Variants in CALCR observed in about 807,000 individuals in gnomAD.
CALCR encodes the protein calcitonin receptor.
Under a neutral mutation model 59.5 loss-of-function variants are expected in CALCR, and 47 were observed. The observed-to-expected ratio is 0.79, with a 90% CI of 0.63 to 1.01. The LOEUF (loss-of-function observed/expected upper bound fraction) is 1.01. Ranked by LOEUF, CALCR falls within the 50% of genes least tolerant of loss-of-function variation. The probability of loss-of-function intolerance (pLI) is 0.00; values close to 1 mark genes in which losing one functional copy is unlikely to be tolerated. For missense variants in CALCR, 566 were observed against 597.1 expected (o/e 0.95, Z 0.54); for synonymous variants, 213 against 211.3 (o/e 1.01, Z -0.07).
chr7:93,526,253 G>T (rs1413826305), intron 2 of CALCR, among the ~76,000 whole-genome samples: 1 of 152,098 alleles, frequency 6.6e-6, no homozygotes, highest in Non-Finnish European at 1.5e-5. Flanking sequence ...TCTCCAAGAT[G>T]ACACTGTTAA....
intron 2 of CALCR, among the ~76,000 whole-genome samples, chr7:93,512,494 A>G (rs1359516137): frequency 1.3e-5 from 2 of 152,132 alleles, no homozygotes; most frequent in Non-Finnish European, 2.9e-5. Context: ...CACAATTTGT[A>G]ATAAAAGTAA....
At position 93,500,935 on chromosome 7, in the gene CALCR, T is replaced by G. The variant is rs200470445; in HGVS notation, c.-26-13928A>C. On this transcript the variant is annotated intron_variant, in intron 2 of 13. Coordinates refer to ENST00000426151, the MANE Select transcript of CALCR (RefSeq NM_001742.4). Reference sequence around the variant, plus strand: ...TTAATCATTACAAACTTTCCTTTTCTTCCTATTAAATTATTTAAGAATCCA... The same window carrying G: ...TTAATCATTACAAACTTTCCTTTTCGTCCTATTAAATTATTTAAGAATCCA... Among the ~76,000 whole-genome samples the G allele has an allele frequency of 3.3e-5, 5 of 152,146 alleles. No individual in the cohort carries two copies. The East Asian group carries it at 7.8e-4, about 24-fold the overall frequency.
chr7:93,536,106 T>G (rs1272358751), intron 2 of CALCR, among the ~76,000 whole-genome samples: 2 of 151,820 alleles, frequency 1.3e-5, no homozygotes, highest in Non-Finnish European at 3.0e-5. Context: ...AGGAGTAACT[T>G]AACTGGTGAA....
intron 2 of CALCR, among the ~76,000 whole-genome samples, chr7:93,555,937 GAA>G (rs1163706823): frequency 1.3e-5 from 2 of 152,100 alleles, no homozygotes; most frequent in Admixed American, 6.6e-5. Flanking sequence ...GAACAATAAT[GAA>G]AAGAGTAAAA....
chr7:93,504,096 G>A (rs1562999768), intron 2 of CALCR, among the ~76,000 whole-genome samples: 2 of 152,088 alleles, frequency 1.3e-5, no homozygotes, highest in South Asian at 2.1e-4. Flanking sequence ...AATCTCAGTG[G>A]CCAATGAAGA....
chr7:93,460,562 A>ATATATATATATATATAT (rs1305307735), intron 8 of CALCR, among the ~76,000 whole-genome samples: 26 of 85,768 alleles, frequency 3.0e-4, no homozygotes, highest in African/African-American at 2.2e-3. Context: ...TCTAAAAAAA[A>ATATATATATATATATAT]AAAAAAAAAA....
intron 2 of CALCR, among the ~76,000 whole-genome samples, chr7:93,488,770 C>G (rs765278843): frequency 1.3e-5 from 2 of 151,472 alleles, no homozygotes; most frequent in Non-Finnish European, 3.0e-5. Context: ...AAAATAAGTT[C>G]TTAGAGACTT....
At chr7:93,517,210 G>A (rs1801667830) in intron 2 of CALCR, among the ~76,000 whole-genome samples, 1 of 150,310 alleles carries the variant, frequency 6.7e-6, no homozygotes, top group Non-Finnish European at 1.5e-5. Flanking sequence ...CAGGCACAAA[G>A]CCCAAACTTT....
intron 8 of CALCR, among the ~76,000 whole-genome samples, chr7:93,445,796 A>G (rs1270239143): frequency 6.6e-6 from 1 of 152,124 alleles, no homozygotes; most frequent in Non-Finnish European, 1.5e-5. Context: ...TCTGTAAGCC[A>G]CATCACAGCT....
intron 2 of CALCR, among the ~76,000 whole-genome samples, chr7:93,551,762 CA>C (rs1444940310): frequency 6.6e-6 from 1 of 152,078 alleles, no homozygotes; most frequent in East Asian, 1.9e-4. Flanking sequence ...CTGTAGGAGT[CA>C]AATTCTGCAG....
At chr7:93,434,006 G>T (rs1799714999) in intron 13 of CALCR, among the ~76,000 whole-genome samples, 1 of 152,132 alleles carries the variant, frequency 6.6e-6, no homozygotes, top group Non-Finnish European at 1.5e-5. Context: ...GCTCCTGAGG[G>T]TGCTGATCTG....
intron 7 of CALCR, among the ~76,000 whole-genome samples, chr7:93,465,772 C>T (rs1800428657): frequency 2.0e-5 from 3 of 151,826 alleles, no homozygotes; most frequent in Non-Finnish European, 4.4e-5. Context: ...TTACATAATT[C>T]CACCTTTTAC....
chr7:93,492,961 G>A (rs919310057), intron 2 of CALCR, among the ~76,000 whole-genome samples: 7 of 151,252 alleles, frequency 4.6e-5, no homozygotes, highest in Admixed American at 2.6e-4. Flanking sequence ...TTTAGCTGGA[G>A]CATAAAGCCT....
intron 4 of CALCR, among the ~76,000 whole-genome samples, chr7:93,477,972 A>ATAAAT (rs1304054318): frequency 3.3e-5 from 4 of 122,660 alleles, no homozygotes; most frequent in African/African-American, 1.4e-4. Context: ...AAAAAAAAAA[A>ATAAAT]AAAAAAAAAA....
rs1799571919 is a variant in CALCR, at chr7:93,428,215, A to G, written c.1192-1626T>C. 1.3e-5 allele frequency among the ~76,000 whole-genome samples: 2 copies of G among 152,266 alleles called. 1 individual carries two copies. The highest frequency in any genetic ancestry group is 1.3e-4 in the Admixed American group (2 of 15,288). On this transcript the variant is annotated intron_variant, in intron 13 of 13. Transcript: ENST00000426151. ...TTGAGTGTTTACTAAGTACCGTATC[A>G]TAAGTATGTGATTTGTATTAACTTA...
rs528990992 is a variant in CALCR at position 93,454,772 on chromosome 7, A to G, written c.648+6049T>C. Among the ~76,000 whole-genome samples, 157 of 151,700 alleles carry G rather than the reference A, an allele frequency of 1.0e-3. 1 individual carries two copies. The highest frequency in any genetic ancestry group is 2.0e-3 in the Non-Finnish European group (138 of 67,964). On this transcript the variant is annotated intron_variant, in intron 8 of 13. Coordinates refer to ENST00000426151, the MANE Select transcript of CALCR (RefSeq NM_001742.4). ...TGAGTTTAACTTTTTTTAAAAAAAG[A>G]ACATGGAAGGAATAAGATTCTCACC...
At chr7:93,437,295 T>G (rs1026001018) in intron 11 of CALCR, among the ~76,000 whole-genome samples, 5 of 152,140 alleles carry the variant, frequency 3.3e-5, no homozygotes, top group Non-Finnish European at 7.4e-5. Context: ...TATTTATTAT[T>G]TTATTAGGAG....
chr7:93,507,099 T>A lies in CALCR; in HGVS notation c.-26-20092A>T, dbSNP rs553284016. On this transcript the variant is annotated intron_variant, in intron 2 of 13. Coordinates refer to ENST00000426151, the MANE Select transcript of CALCR (RefSeq NM_001742.4). ...TTACCCAGTCTCAGGTATGTCTTCA[T>A]TAGCAGTGTGAGAATGGACTAATAC... is the stretch of plus-strand genomic sequence containing the variant. Among the ~76,000 whole-genome samples the A allele has an allele frequency of 1.8e-4, 27 of 152,220 alleles. No individual in the cohort carries two copies. The South Asian group carries it at 5.6e-3, about 32-fold the overall frequency.
intron 7 of CALCR, 82 bp downstream of exon 7, chr7:93,468,633 C>T: frequency 1.1e-6 from 1 of 908,672 alleles, no homozygotes; most frequent in Non-Finnish European, 1.7e-6. Flanking sequence ...GACCCTTCCC[C>T]ACCTCCACTC....
Sources: allele counts gnomAD v4.1 joint callset (sites outside exome capture counted in the v4.1 genomes callset), GRCh38; gene constraint gnomAD v4.1.1; transcripts MANE v1.5; gene names NCBI Gene and HGNC (gene_info 2026-07-23, HGNC 2026-07-21).